MYO5B: variants seen among roughly 807,000 people sequenced by gnomAD.
The protein encoded by MYO5B is myosin VB, also known as unconventional myosin-Vb.
MYO5B carries 143 observed loss-of-function variants against 229.3 expected under a neutral mutation model. The observed-to-expected ratio is 0.62, with a 90% confidence interval of 0.54 to 0.72. MYO5B has a LOEUF of 0.72. Ranked by LOEUF, MYO5B falls within the 30% of genes least tolerant of loss-of-function variation. MYO5B has a pLI of 0.00. For missense variants in MYO5B, 2,321 were observed against 2,331.0 expected, an observed-to-expected ratio of 1.00 and a Z score of 0.09; for synonymous variants, 918 against 885.2, an observed-to-expected ratio of 1.04 and a Z score of -0.66.
intron 1 of MYO5B, among the ~76,000 whole-genome samples, chr18:50,104,288 A>ATATATATATATATATATATATCTATC (rs1031683380): frequency 2.1e-5 from 3 of 144,748 alleles, no homozygotes; most frequent in African/African-American, 7.8e-5. Context: ...ATATATATAT[A>ATATATATATATATATATATATCTATC]TATCTCATAA....
At chr18:49,939,150 T>TC (rs2025285417) in intron 14 of MYO5B, among the ~76,000 whole-genome samples, 1 of 94,430 alleles carries the variant, frequency 1.1e-5, no homozygotes, top group South Asian at 3.6e-4. Context: ...TTTTTTTTCT[T>TC]TTTTTTTTTT....
intron 1 of MYO5B, among the ~76,000 whole-genome samples, chr18:50,065,120 A>G (rs1308388225): frequency 6.6e-6 from 1 of 152,134 alleles, no homozygotes; most frequent in East Asian, 1.9e-4. Flanking sequence ...CCCCATCTCC[A>G]ATTAGTCAAA....
intron 2 of MYO5B, among the ~76,000 whole-genome samples, chr18:50,051,946 G>C (rs2030404835): frequency 6.6e-6 from 1 of 152,180 alleles, no homozygotes; most frequent in Non-Finnish European, 1.5e-5. Context: ...CTGAAGGAGA[G>C]TGGTGATGGT....
chr18:49,946,782 G>T (rs940941377), intron 14 of MYO5B, among the ~76,000 whole-genome samples: 1 of 151,998 alleles, frequency 6.6e-6, no homozygotes, highest in Non-Finnish European at 1.5e-5. Context: ...CAGGATCTGG[G>T]ATTTAGAGGG....
At chr18:50,087,190 T>C (rs545228116) in intron 1 of MYO5B, among the ~76,000 whole-genome samples, 1 of 152,284 alleles carries the variant, frequency 6.6e-6, no homozygotes, top group East Asian at 1.9e-4. Flanking sequence ...ACTTCGATGT[T>C]TGCCAAGTGT....
At chr18:49,937,580 A>G (rs76714398) in intron 14 of MYO5B, among the ~76,000 whole-genome samples, 183 bp from the exon 15 acceptor site, 140 of 152,264 alleles carry the variant, frequency 9.2e-4, no homozygotes, top group Middle Eastern at 3.4e-3. Flanking sequence ...CAACCCAAAT[A>G]CCAACTGATG....
intron 29 of MYO5B, among the ~76,000 whole-genome samples, chr18:49,857,451 G>A (rs1289560252): frequency 6.6e-6 from 1 of 152,208 alleles, no homozygotes; most frequent in East Asian, 1.9e-4. Flanking sequence ...GGTAAGGAAG[G>A]AGACTGCAGA....
chr18:49,900,570 G>A (rs770805007), intron 21 of MYO5B, among the ~76,000 whole-genome samples: 4 of 152,200 alleles, frequency 2.6e-5, no homozygotes, highest in Non-Finnish European at 5.9e-5. Context: ...CCTGTTCAGG[G>A]CAGCTGGCTT....
intron 10 of MYO5B, among the ~76,000 whole-genome samples, chr18:49,964,791 C>T (rs112175538): frequency 3.9e-5 from 6 of 152,302 alleles, no homozygotes; most frequent in South Asian, 2.1e-4. Context: ...AGAATATCAA[C>T]ACTATCATTC....
intron 16 of MYO5B, among the ~76,000 whole-genome samples, chr18:49,933,715 G>A (rs1787523): frequency 0.17 from 25,488 of 152,100 alleles, 2,467 homozygotes; most frequent in African/African-American, 0.25. Flanking sequence ...AGAATTCTCT[G>A]ACTCAATATG....
At chr18:49,967,566 G>A (rs953863227) in intron 10 of MYO5B, among the ~76,000 whole-genome samples, 5 of 152,194 alleles carry the variant, frequency 3.3e-5, no homozygotes, top group Non-Finnish European at 7.3e-5. Flanking sequence ...AGCTTCCAGG[G>A]AATGATTATT....
chr18:49,921,708 A>AG (rs990737223), intron 17 of MYO5B, among the ~76,000 whole-genome samples: 1 of 152,098 alleles, frequency 6.6e-6, no homozygotes, highest in African/African-American at 2.4e-5. Flanking sequence ...AATTTGGGGA[A>AG]GGGGGGTAAG....
At position 49,936,333 on chromosome 18, in the gene MYO5B, T is replaced by C. The variant is rs371760953; in HGVS notation, c.1922A>G (p.His641Arg). ...GGCATTCAGGGTCTCCATGAGCAGA[T>C]GCAGGGAGGTACGGAACTAGAGAGA... ...TVGHQFRTSL[H>R]LLMETLNATT... Residue 641 changes from histidine to arginine, a missense_variant, in exon 16 of 40, where the codon CAT becomes CGT. Physicochemically the swap from His to Arg is conservative, Grantham distance 29. Around this residue, in one of 2 missense-constraint regions of MYO5B, gnomAD observed 2,113 missense variants for 2,044.7 expected, o/e 1.03. Coordinates refer to ENST00000285039, the MANE Select transcript of MYO5B (RefSeq NM_001080467.3). 3 of 1,599,638 alleles carry C rather than the reference T, an allele frequency of 1.9e-6. No homozygotes were observed. The highest frequency in any genetic ancestry group is 2.3e-5 in the South Asian group (2 of 88,690).
intron 1 of MYO5B, among the ~76,000 whole-genome samples, chr18:50,109,327 T>C (rs533360617): frequency 8.5e-5 from 13 of 152,230 alleles, no homozygotes; most frequent in African/African-American, 3.1e-4. Flanking sequence ...AAGACATAAA[T>C]TATGAGAAAT....
At chr18:50,098,779 G>T (rs547654807) in intron 1 of MYO5B, 6 of 152,940 alleles carry the variant, frequency 3.9e-5, no homozygotes, top group African/African-American at 1.4e-4. Flanking sequence ...ACCAACAGTG[G>T]TCAACTGAGC....
chr18:50,012,590 A>T (rs4422066), intron 4 of MYO5B, among the ~76,000 whole-genome samples: 148,933 of 152,352 alleles, frequency 0.98, 72,892 homozygotes, highest in East Asian at 1. Context: ...AAGCATTAAG[A>T]TTCAGGTGCA....
chr18:49,893,898 G>A (rs2024746762), intron 22 of MYO5B, among the ~76,000 whole-genome samples: 1 of 152,264 alleles, frequency 6.6e-6, no homozygotes, highest in African/African-American at 2.4e-5. Context: ...CTCCCACGTA[G>A]GGCCAAGGGC....
At chr18:49,934,371 T>C (rs1787522) in intron 16 of MYO5B, among the ~76,000 whole-genome samples, 25,512 of 152,158 alleles carry the variant, frequency 0.17, 2,479 homozygotes, top group African/African-American at 0.25. Flanking sequence ...TTTCTTTGTA[T>C]TGGGAGGAAG....
intron 1 of MYO5B, among the ~76,000 whole-genome samples, chr18:50,170,459 A>G (rs2032907777): frequency 7.8e-6 from 1 of 128,076 alleles, no homozygotes; most frequent in South Asian, 2.7e-4. Context: ...CTATTCATGT[A>G]TAATTTGACT....
Sources: gnomAD v4.1 joint callset for allele counts (sites outside exome capture counted in the v4.1 genomes callset) on GRCh38, gnomAD v4.1.1 for gene constraint, gnomAD v4.1.1 regional missense constraint, MANE v1.5 for transcripts, NCBI Gene and HGNC (gene_info 2026-07-23, HGNC 2026-07-21) for gene names.